Variants in CDH18 observed in about 807,000 individuals in gnomAD.
The protein encoded by CDH18 is cadherin-18.
A neutral mutation model predicts 67.9 loss-of-function variants in CDH18; 31 were observed. The observed-to-expected ratio is 0.46, with a 90% confidence interval of 0.34 to 0.62. The LOEUF (loss-of-function observed/expected upper bound fraction) is 0.62. Among genes scored for constraint, CDH18 ranks in the 20% least tolerant of loss-of-function variants. The probability of loss-of-function intolerance (pLI) is 0.01; values close to 1 mark genes in which losing one functional copy is unlikely to be tolerated. For synonymous variants in CDH18, 362 were observed against 347.2 expected (o/e 1.04, Z -0.48); for missense variants, 890 against 975.5 (o/e 0.91, Z 1.17).
At chr5:20,278,181 G>A (rs1428371467) in intron 1 of CDH18, among the ~76,000 whole-genome samples, 3 of 152,034 alleles carry the variant, frequency 2.0e-5, no homozygotes, top group Admixed American at 6.6e-5. Flanking sequence ...CCAAGCAGAT[G>A]TAACAGAAAT....
At chr5:20,220,338 C>A (rs977861692) in intron 2 of CDH18, among the ~76,000 whole-genome samples, 1 of 151,904 alleles carries the variant, frequency 6.6e-6, no homozygotes, top group African/African-American at 2.4e-5. Flanking sequence ...CTACAATAAA[C>A]TTATTTTTGA....
chr5:20,413,482 T>C (rs2150147152), intron 1 of CDH18, among the ~76,000 whole-genome samples: 1 of 152,334 alleles, frequency 6.6e-6, no homozygotes, highest in African/African-American at 2.4e-5. Flanking sequence ...TGTTGTTTCC[T>C]GACTTTTTAA....
At position 19,798,297 on chromosome 5, in the gene CDH18, T is replaced by C. The variant is rs368603500; in HGVS notation, c.228+40462A>G. Among the ~76,000 whole-genome samples, 26 of 152,130 alleles carry C rather than the reference T, an allele frequency of 1.7e-4. No homozygotes were observed. The East Asian group carries it at 5.0e-3, about 29-fold the overall frequency. ...ACTCTTAAAATCTAGTTGTGAAAAATATTGCCAATGAGGGGTATTGGGAAA... is the reference window on the plus strand; with the variant it reads ...ACTCTTAAAATCTAGTTGTGAAAAACATTGCCAATGAGGGGTATTGGGAAA... On this transcript the variant is annotated intron_variant, in intron 3 of 12. Transcript: ENST00000382275.
Position 19,896,562 on chromosome 5 carries a change from G to A in CDH18, c.-256-57320C>T, listed in dbSNP as rs1376101620. 2.6e-5 allele frequency among the ~76,000 whole-genome samples: 4 copies of A among 152,114 alleles called. No individual in the cohort carries two copies. In the East Asian group the frequency reaches 7.7e-4, roughly 29 times the overall value. On this transcript the variant is annotated intron_variant, in intron 2 of 12. Transcript: ENST00000382275. ...GCCAAAGAACAGATTCTTCCCTAGA[G>A]CCTCCAAAGCGAGCACAGCCTGGCA...
At chr5:20,111,111 C>T (rs1747420021) in intron 2 of CDH18, among the ~76,000 whole-genome samples, 1 of 152,060 alleles carries the variant, frequency 6.6e-6, no homozygotes, top group Admixed American at 6.6e-5. Flanking sequence ...AAGGTAATTC[C>T]TATACAATTA....
At chr5:19,605,221 T>C (rs1002708838) in intron 6 of CDH18, among the ~76,000 whole-genome samples, 52 of 151,974 alleles carry the variant, frequency 3.4e-4, no homozygotes, top group African/African-American at 1.2e-3. Context: ...AATTTCAAAA[T>C]ATTCAATTCT....
chr5:20,543,711 C>A (rs747680292), intron 1 of CDH18, among the ~76,000 whole-genome samples: 7 of 152,170 alleles, frequency 4.6e-5, no homozygotes, highest in African/African-American at 9.6e-5. Flanking sequence ...AAATAAAATA[C>A]CTTCCACAAA....
intron 1 of CDH18, among the ~76,000 whole-genome samples, chr5:20,556,745 G>A (rs1349695489): frequency 6.6e-6 from 1 of 152,032 alleles, no homozygotes; most frequent in African/African-American, 2.4e-5. Context: ...AAATTAAGAA[G>A]GTGTTAAGTT....
At chr5:19,749,053 T>C (rs1214991394) in intron 3 of CDH18, among the ~76,000 whole-genome samples, 2 of 152,136 alleles carry the variant, frequency 1.3e-5, no homozygotes, top group African/African-American at 2.4e-5. Context: ...TACAATTGTA[T>C]GCTTGTATGA....
intron 5 of CDH18, among the ~76,000 whole-genome samples, chr5:19,696,225 ATG>A (rs1192392126): frequency 2.6e-3 from 198 of 75,104 alleles, no homozygotes; most frequent in African/African-American, 6.8e-3. Context: ...CACCAAATAT[ATG>A]TGTGTGTGTG....
chr5:20,519,693 T>C (rs1451274432), intron 1 of CDH18, among the ~76,000 whole-genome samples: 1 of 148,548 alleles, frequency 6.7e-6, no homozygotes, highest in African/African-American at 2.4e-5. Flanking sequence ...TGAGATTGTT[T>C]GCGGTTGAAA....
chr5:19,709,979 T>C (rs1211438163), intron 5 of CDH18, among the ~76,000 whole-genome samples: 2 of 151,474 alleles, frequency 1.3e-5, no homozygotes, highest in Non-Finnish European at 2.9e-5. Context: ...TACTAAAAAA[T>C]ACAAAATTTG....
chr5:20,090,642 T>C (rs1334749149), intron 2 of CDH18, among the ~76,000 whole-genome samples: 1 of 152,158 alleles, frequency 6.6e-6, no homozygotes, highest in Non-Finnish European at 1.5e-5. Flanking sequence ...AAATTGTTCA[T>C]AAGTGATTTC....
chr5:20,320,212 A>G (rs200898043), intron 1 of CDH18, among the ~76,000 whole-genome samples: 2 of 151,990 alleles, frequency 1.3e-5, no homozygotes, highest in East Asian at 3.8e-4. Flanking sequence ...TATTATATTT[A>G]TATTTTAATA....
chr5:20,158,097 G>A (rs1751696824), intron 2 of CDH18, among the ~76,000 whole-genome samples: 1 of 151,932 alleles, frequency 6.6e-6, no homozygotes, highest in Admixed American at 6.6e-5. Flanking sequence ...CATTTGCTTT[G>A]GAAATGCTGA....
intron 2 of CDH18, among the ~76,000 whole-genome samples, chr5:20,108,773 A>G (rs1235241458): frequency 6.6e-6 from 1 of 152,164 alleles, no homozygotes; most frequent in Admixed American, 6.5e-5. Flanking sequence ...CATATGTCAC[A>G]GATTTTAACG....
At chr5:19,727,815 GTAAA>G (rs1189879721) in intron 4 of CDH18, among the ~76,000 whole-genome samples, 4 of 152,150 alleles carry the variant, frequency 2.6e-5, no homozygotes, top group African/African-American at 9.7e-5. Flanking sequence ...GTAGATTACA[GTAAA>G]TAAAGATGAA....
chr5:20,405,339 G>C (rs897523767), intron 1 of CDH18, among the ~76,000 whole-genome samples: 2 of 152,112 alleles, frequency 1.3e-5, no homozygotes, highest in African/African-American at 2.4e-5. Flanking sequence ...AATGGGGAGA[G>C]GATTCCCTAT....
At chr5:19,916,629 G>T (rs528638020) in intron 2 of CDH18, among the ~76,000 whole-genome samples, 2 of 152,264 alleles carry the variant, frequency 1.3e-5, no homozygotes, top group South Asian at 2.1e-4. Flanking sequence ...TGTTATTGAG[G>T]TAGTCCAAGT....
Sources: allele counts gnomAD v4.1 joint callset (sites outside exome capture counted in the v4.1 genomes callset), GRCh38; gene constraint gnomAD v4.1.1; transcripts MANE v1.5; gene names NCBI Gene and HGNC (gene_info 2026-07-23, HGNC 2026-07-21).